The following PTGER3 variants were observed in gnomAD, a reference collection of about 807,000 sequenced individuals.
PTGER3 encodes the protein prostaglandin E receptor 3, also known as prostaglandin E2 receptor EP3 subtype.
A neutral mutation model predicts 34.7 loss-of-function variants in PTGER3; 22 were observed. The observed-to-expected ratio is 0.63, with a 90% CI of 0.45 to 0.91. PTGER3 has a LOEUF of 0.91. Ranked by LOEUF, PTGER3 falls within the 40% of genes least tolerant of loss-of-function variation. The pLI, the probability that PTGER3 is intolerant of heterozygous loss-of-function variation, is 0.00. For synonymous variants in PTGER3, 241 were observed against 230.1 expected (o/e 1.05, Z -0.43); for missense variants, 468 against 519.4 (o/e 0.90, Z 0.96).
chr1:71,001,807 G>A (rs970314645), intron 2 of PTGER3, among the ~76,000 whole-genome samples: 5 of 152,156 alleles, frequency 3.3e-5, no homozygotes, highest in East Asian at 1.9e-4. Context: ...GCTTTCTAAC[G>A]TCACTTGTGT....
chr1:71,007,352 A>G (rs1657062184), intron 2 of PTGER3: 1 of 985,686 alleles, frequency 1.0e-6, no homozygotes, highest in Non-Finnish European at 1.2e-6. Context: ...GCAAGAAGGC[A>G]AAGTATTTTT....
chr1:70,971,770 G>C (rs759656571), intron 3 of PTGER3, 37 bp from the exon 4 acceptor site: 1 of 1,402,542 alleles, frequency 7.1e-7, no homozygotes, highest in Non-Finnish European at 9.8e-7. Context: ...AATAAGCATG[G>C]ATGGGGATTA....
chr1:70,906,190 A>G (rs981787730), intron 4 of PTGER3, among the ~76,000 whole-genome samples: 24 of 152,260 alleles, frequency 1.6e-4, no homozygotes, highest in African/African-American at 5.5e-4. Context: ...TCTTTTGTAA[A>G]TTTCCCAGTC....
Position 70,859,750 on chromosome 1 carries a change from G to A in PTGER3, c.*24-6891C>T, listed in dbSNP as rs558421713. ...GGCTAGCTATGACTCTATTTAAAAA[G>A]TACTACTATTATTATTCCCATTTTA... On this transcript the variant is annotated intron_variant, in intron 4 of 4. Coordinates refer to the PTGER3 transcript ENST00000370931. Among the ~76,000 whole-genome samples, 21 of 152,300 alleles carry A rather than the reference G, an allele frequency of 1.4e-4. 1 individual carries two copies. In the East Asian group the frequency reaches 3.9e-3, roughly 28 times the overall value.
intron 4 of PTGER3, among the ~76,000 whole-genome samples, chr1:70,931,980 GCT>G (rs576826689): frequency 2.2e-3 from 330 of 152,146 alleles, no homozygotes; most frequent in African/African-American, 7.5e-3. Flanking sequence ...GAACTTTTAT[GCT>G]CTGTTTCCCT....
At chr1:70,986,983 A>G (rs1279831689) in intron 2 of PTGER3, among the ~76,000 whole-genome samples, 1 of 152,200 alleles carries the variant, frequency 6.6e-6, no homozygotes, top group Non-Finnish European at 1.5e-5. Flanking sequence ...TTTTAAGCAG[A>G]TATCTTTAAG....
intron 4 of PTGER3, among the ~76,000 whole-genome samples, chr1:70,891,130 A>G (rs1474141248): frequency 2.6e-5 from 4 of 152,128 alleles, no homozygotes; most frequent in Admixed American, 1.3e-4. Flanking sequence ...ATAACCTTCA[A>G]TTCCACTGTC....
intron 4 of PTGER3, among the ~76,000 whole-genome samples, chr1:70,896,679 A>G (rs921608094): frequency 1.3e-5 from 2 of 152,194 alleles, no homozygotes; most frequent in African/African-American, 2.4e-5. Flanking sequence ...AGTTCTTAAA[A>G]TCACAGAGTC....
intron 1 of PTGER3, among the ~76,000 whole-genome samples, chr1:71,030,836 AT>A (rs67754812): frequency 2.2e-3 from 329 of 150,690 alleles, no homozygotes; most frequent in African/African-American, 7.2e-3. Context: ...AATTTCAGTG[AT>A]TTTTTTTTTA....
chr1:71,011,475 ACT>A, intron 2 of PTGER3: 1 of 985,160 alleles, frequency 1.0e-6, no homozygotes, highest in African/African-American at 1.7e-5. Context: ...CCACTTCACG[ACT>A]CTCATAGGTC....
At chr1:70,989,039 C>T (rs571591566) in intron 2 of PTGER3, among the ~76,000 whole-genome samples, 3 of 152,072 alleles carry the variant, frequency 2.0e-5, no homozygotes, top group Admixed American at 1.3e-4. Context: ...AATTCCCCCC[C>T]CAAAACTTGT....
intron 1 of PTGER3, among the ~76,000 whole-genome samples, chr1:71,016,669 G>A (rs1357345160): frequency 6.6e-6 from 1 of 151,960 alleles, no homozygotes; most frequent in Non-Finnish European, 1.5e-5. Flanking sequence ...CGGGCATGAT[G>A]GTGTGTGCCT....
In PTGER3 at chr1:70,964,910, G is replaced by A. The variant is rs959319000; in HGVS notation, c.1078-11121C>T. ...ATAGACACACCAGACGTGGAAGTGA[G>A]AAATATGGTTCCCATCTTGGATAGC... On this transcript the variant is annotated intron_variant, in intron 2 of 3. Transcript: ENST00000356595. Among the ~76,000 whole-genome samples, 39 of 152,292 alleles carry A rather than the reference G, an allele frequency of 2.6e-4. 1 individual carries two copies. Among genetic ancestry groups the A allele is most frequent in the African/African-American group, 9.1e-4 (38 of 41,546 alleles).
intron 4 of PTGER3, among the ~76,000 whole-genome samples, chr1:70,884,695 G>C (rs905234283): frequency 6.6e-6 from 1 of 152,170 alleles, no homozygotes; most frequent in Non-Finnish European, 1.5e-5. Flanking sequence ...TAAATTTATG[G>C]TGATTTGTTA....
chr1:70,865,405 G>C (rs1287934537), intron 4 of PTGER3, among the ~76,000 whole-genome samples: 2 of 152,120 alleles, frequency 1.3e-5, no homozygotes, highest in Non-Finnish European at 2.9e-5. Flanking sequence ...ACTGCAATCA[G>C]ACAGGCAAGA....
intron 2 of PTGER3, among the ~76,000 whole-genome samples, chr1:70,956,006 C>G (rs1427069453): frequency 6.6e-6 from 1 of 152,136 alleles, no homozygotes; most frequent in Non-Finnish European, 1.5e-5. Context: ...TTTCCAACTT[C>G]ACTGTAGAGG....
downstream of PTGER3, among the ~76,000 whole-genome samples, chr1:70,967,026 T>C (rs894439250): frequency 3.9e-5 from 6 of 152,288 alleles, no homozygotes; most frequent in African/African-American, 1.2e-4. Context: ...ATCTCTATAC[T>C]GTCTTCCACA....
chr1:71,015,340 G>A (rs185579325), intron 1 of PTGER3, among the ~76,000 whole-genome samples: 6 of 152,264 alleles, frequency 3.9e-5, no homozygotes, highest in Admixed American at 3.9e-4. Context: ...GATTTAAAGT[G>A]GACATAACAT....
chr1:70,954,411 G>A (rs946176011), intron 2 of PTGER3, among the ~76,000 whole-genome samples: 3 of 152,146 alleles, frequency 2.0e-5, no homozygotes, highest in Admixed American at 1.3e-4. Flanking sequence ...AGGATCTTCT[G>A]TGGGGTCAGG....
Sources: gnomAD v4.1 joint callset for allele counts (sites outside exome capture counted in the v4.1 genomes callset) on GRCh38, gnomAD v4.1.1 for gene constraint, MANE v1.5 for transcripts, NCBI Gene and HGNC (gene_info 2026-07-23, HGNC 2026-07-21) for gene names.